PLEKHA5: variants seen among roughly 807,000 people sequenced by gnomAD.
PLEKHA5 encodes pleckstrin homology domain-containing family A member 5.
PLEKHA5 carries 55 observed loss-of-function variants against 181.9 expected under a neutral mutation model. The observed-to-expected ratio is 0.30, with a 90% confidence interval of 0.24 to 0.38. The LOEUF (loss-of-function observed/expected upper bound fraction) is 0.38. PLEKHA5 is among the 10% of genes least tolerant of loss of function. The pLI is 1.00. For missense variants in PLEKHA5, 1,432 were observed against 1,549.5 expected (o/e 0.92, Z 1.27); for synonymous variants, 535 against 529.4 (o/e 1.01, Z -0.15).
chr12:19,140,946 C>T (rs1331009901), intron 3 of PLEKHA5, among the ~76,000 whole-genome samples: 11 of 152,138 alleles, frequency 7.2e-5, no homozygotes, highest in Admixed American at 2.0e-4. Flanking sequence ...CCCGCCACTA[C>T]GCCCGGCTAA....
intron 3 of PLEKHA5, among the ~76,000 whole-genome samples, chr12:19,148,622 T>C (rs1262345631): frequency 4.6e-5 from 7 of 152,230 alleles, no homozygotes; most frequent in Admixed American, 4.6e-4. Flanking sequence ...CTTACCCAGA[T>C]GAATGAGAAG....
Position 19,287,534 on chromosome 12 carries a change from C to T in PLEKHA5, c.1841C>T (p.Pro614Leu). ...GGCCTGACTTTACAGTCTGTTAGTC[C>T]CCAGAGCCTCCAAGGGAAAACGGTG... is the stretch of plus-strand genomic sequence containing the variant. ...PAGLTLQSVSPQSLQGKTPEE... is the reference protein window; with the variant it reads ...PAGLTLQSVSLQSLQGKTPEE... The change falls in exon 13 of 32, where the codon CCC becomes CTC. Residue 614 changes from proline (P) to leucine (L), a missense_variant. Physicochemically the swap from Pro to Leu is moderately conservative, Grantham distance 98. Coordinates refer to ENST00000429027, the MANE Select transcript of PLEKHA5 (RefSeq NM_001256470.2). 6.2e-7 allele frequency: 1 copy of T among 1,600,608 alleles called. No homozygotes were observed. The highest frequency in any genetic ancestry group is 8.6e-7 in the Non-Finnish European group (1 of 1,168,930).
At position 19,201,509 on chromosome 12, in the gene PLEKHA5, A is replaced by C. The variant is rs530976676; in HGVS notation, c.228-52431A>C. ...ATGTTAAGAATGAAAACGTGTGCAC[A>C]CAAAGATCTGTACTAAAATGTTGAT... is the stretch of plus-strand genomic sequence containing the variant. On this transcript the variant is annotated intron_variant, in intron 3 of 31. Transcript: ENST00000429027. The C allele has an allele frequency of 2.6e-5, 4 of 152,266 alleles. No homozygotes were observed. In the South Asian group the frequency reaches 6.2e-4, roughly 24 times the overall value. 9.4% of individuals were successfully genotyped at this position (152,266 alleles called of 1,614,324 possible). A position where few individuals can be genotyped will look rare whatever the true frequency, so the allele number is the denominator to read the frequency against.
At chr12:19,254,689 G>A (rs2066363596) in intron 4 of PLEKHA5, among the ~76,000 whole-genome samples, 1 of 152,148 alleles carries the variant, frequency 6.6e-6, no homozygotes, top group Admixed American at 6.5e-5. Context: ...CGGGCATGGT[G>A]GAACGTGCTG....
intron 20 of PLEKHA5, among the ~76,000 whole-genome samples, chr12:19,331,265 C>T (rs2092802611): frequency 6.6e-6 from 1 of 152,074 alleles, no homozygotes; most frequent in African/African-American, 2.4e-5. Flanking sequence ...TAACCATTCC[C>T]TTGAGTAGAT....
At chr12:19,250,988 A>G (rs1307979227) in intron 3 of PLEKHA5, among the ~76,000 whole-genome samples, 1 of 152,238 alleles carries the variant, frequency 6.6e-6, no homozygotes, top group African/African-American at 2.4e-5. Context: ...ATGGTAGCAT[A>G]ATAAATATGA....
At chr12:19,271,185 C>T (rs7133494) in intron 10 of PLEKHA5, among the ~76,000 whole-genome samples, 8 of 152,190 alleles carry the variant, frequency 5.3e-5, no homozygotes, top group Admixed American at 2.0e-4. Flanking sequence ...GCACTGATAA[C>T]GAGAGAAAAT....
At chr12:19,140,047 C>T (rs1591784631) in intron 3 of PLEKHA5, among the ~76,000 whole-genome samples, 1 of 152,186 alleles carries the variant, frequency 6.6e-6, no homozygotes, top group African/African-American at 2.4e-5. Flanking sequence ...ATTAGTCACT[C>T]ACTCATGTGT....
At chr12:19,236,555 G>GA (rs1040957796) in intron 3 of PLEKHA5, among the ~76,000 whole-genome samples, 13 of 151,916 alleles carry the variant, frequency 8.6e-5, no homozygotes, top group African/African-American at 2.7e-4. Context: ...TATCATCTTG[G>GA]AAAAAACAGG....
intron 3 of PLEKHA5, among the ~76,000 whole-genome samples, chr12:19,253,267 G>A (rs2065909117): frequency 6.7e-6 from 1 of 150,338 alleles, no homozygotes; most frequent in African/African-American, 2.4e-5. Flanking sequence ...TAGAGATGGT[G>A]TTTCACCATG....
chr12:19,170,808 T>C lies in PLEKHA5; in HGVS notation c.227+38358T>C, dbSNP rs193274527. Among the ~76,000 whole-genome samples the C allele has an allele frequency of 3.2e-3, 490 of 152,310 alleles. 3 individuals carry two copies. The highest frequency in any genetic ancestry group is 6.8e-3 in the Middle Eastern group (2 of 294). ...AAACTTGCTGTCTTTTCTTACATAC[T>C]TTGGTTCAAAGTAAGCAGCCTTCCT... On this transcript the variant is annotated intron_variant, in intron 3 of 31. Transcript: ENST00000429027.
intron 3 of PLEKHA5, among the ~76,000 whole-genome samples, chr12:19,218,277 T>C (rs1361936429): frequency 6.6e-6 from 1 of 152,138 alleles, no homozygotes; most frequent in African/African-American, 2.4e-5. Flanking sequence ...AGGTTACCAG[T>C]AATGTTTGCA....
At chr12:19,257,389 A>C (rs567596384) in intron 5 of PLEKHA5, 44 bp from the exon 6 acceptor site, 1 of 878,732 alleles carries the variant, frequency 1.1e-6, no homozygotes, top group African/African-American at 1.7e-5. Flanking sequence ...TCAAATCTCT[A>C]GGCATTAATA....
At position 19,369,732 on chromosome 12, in the gene PLEKHA5, C is replaced by G; in HGVS notation, c.3794C>G (p.Pro1265Arg). 2 of 1,612,696 alleles carry G rather than the reference C, an allele frequency of 1.2e-6. No homozygotes were observed. The highest frequency in any genetic ancestry group is 8.5e-7 in the Non-Finnish European group (1 of 1,179,354). Reference protein sequence around the residue: ...LSPSPESSASPVPSTQPQLTE... With the variant: ...LSPSPESSASRVPSTQPQLTE... ...CCATCTCCTGAGTCCTCGGCATCGCCAGTTCCATCCACTCAGCCGCAGCTC... is the reference window on the plus strand; with the variant it reads ...CCATCTCCTGAGTCCTCGGCATCGCGAGTTCCATCCACTCAGCCGCAGCTC... The change falls in exon 31 of 32, where the codon CCA becomes CGA. Residue 1265 changes from proline to arginine, a missense_variant. Physicochemically the swap from Pro to Arg is moderately radical, Grantham distance 103. This residue lies in a region of PLEKHA5 where 1,143 missense variants were observed against 1,168.4 expected (regional missense o/e 0.98). Coordinates refer to ENST00000429027, the MANE Select transcript of PLEKHA5 (RefSeq NM_001256470.2).
intron 3 of PLEKHA5, among the ~76,000 whole-genome samples, chr12:19,215,367 G>C (rs549231934): frequency 6.6e-6 from 1 of 151,984 alleles, no homozygotes; most frequent in Non-Finnish European, 1.5e-5. Context: ...GAATCCAGAC[G>C]CTGAGTAACT....
intron 3 of PLEKHA5, among the ~76,000 whole-genome samples, chr12:19,143,516 A>G (rs2038024774): frequency 6.6e-6 from 1 of 152,136 alleles, no homozygotes; most frequent in South Asian, 2.1e-4. Context: ...GTGCAGAGAG[A>G]ATTTCTACTA....
Position 19,365,244 on chromosome 12 carries a change from G to A in PLEKHA5, c.3609-720G>A, listed in dbSNP as rs181954249. Among the ~76,000 whole-genome samples, 527 of 151,876 alleles carry A rather than the reference G, an allele frequency of 3.5e-3. 3 individuals are homozygous for A. Among genetic ancestry groups the A allele is most frequent in the African/African-American group, 0.012 (507 of 41,420 alleles). On this transcript the variant is annotated intron_variant, in intron 29 of 31. Coordinates refer to ENST00000429027, the MANE Select transcript of PLEKHA5 (RefSeq NM_001256470.2). ...AAGCCGGACGTGGTGGCAGGCGCCC[G>A]TAGTCCCTGCTACTCGGGAGGCTGA... is the stretch of plus-strand genomic sequence containing the variant.
chr12:19,335,527 T>G (rs1247767952), intron 20 of PLEKHA5, among the ~76,000 whole-genome samples: 2 of 149,856 alleles, frequency 1.3e-5, no homozygotes, highest in East Asian at 4.0e-4. Context: ...GCGATTCTCC[T>G]GCCTCAGCCT....
chr12:19,146,173 A>C (rs1160782811), intron 3 of PLEKHA5, among the ~76,000 whole-genome samples: 4 of 152,290 alleles, frequency 2.6e-5, no homozygotes, highest in African/African-American at 9.6e-5. Context: ...AGTCTTAATT[A>C]TTTATCCTTA....
Sources: allele counts gnomAD v4.1 joint callset (sites outside exome capture counted in the v4.1 genomes callset), GRCh38; gene constraint gnomAD v4.1.1; regional missense constraint gnomAD v4.1.1; transcripts MANE v1.5; gene names NCBI Gene and HGNC (gene_info 2026-07-23, HGNC 2026-07-21).